Variants in FLVCR2 observed in about 807,000 individuals in gnomAD.
The protein encoded by FLVCR2 is choline/ethanolamine transporter FLVCR2.
FLVCR2 carries 38 observed loss-of-function variants against 48.9 expected under a neutral mutation model. The ratio of observed to expected loss-of-function variants is 0.78; its 90% CI spans 0.60 to 1.02. The LOEUF is 1.02. Among genes scored for constraint, FLVCR2 ranks in the 50% least tolerant of loss-of-function variants. The pLI is 0.00. For missense variants in FLVCR2, 664 were observed against 663.3 expected, an observed-to-expected ratio of 1.00 and a Z score of -0.01; for synonymous variants, 255 against 257.0, an observed-to-expected ratio of 0.99 and a Z score of 0.07.
chr14:75,597,127 C>T (rs986641524), intron 1 of FLVCR2, among the ~76,000 whole-genome samples: 2 of 151,308 alleles, frequency 1.3e-5, no homozygotes, highest in East Asian at 1.9e-4. Context: ...ACAAAAAGTA[C>T]GAAATTAGCT....
intron 1 of FLVCR2, among the ~76,000 whole-genome samples, chr14:75,599,398 C>T (rs1476143551): frequency 6.6e-6 from 1 of 150,608 alleles, no homozygotes; most frequent in African/African-American, 2.4e-5. Flanking sequence ...AGGAATAAAC[C>T]AAGGATGTAA....
intron 1 of FLVCR2, among the ~76,000 whole-genome samples, chr14:75,592,321 A>C (rs1295321457): frequency 3.9e-5 from 6 of 151,958 alleles, no homozygotes; most frequent in Admixed American, 1.3e-4. Context: ...CTCTGGCCAG[A>C]GCAGCTAGGA....
rs535306371 is a variant in FLVCR2, at chr14:75,614,770, C to T, written c.670-7309C>T. On this transcript the variant is annotated intron_variant, in intron 1 of 9. Transcript: ENST00000238667. ...TCACTGCTCCAAATGGCTAGGGAGG[C>T]CTCAGGAAACTTACAATCATGGTGG... 7.9e-5 allele frequency among the ~76,000 whole-genome samples: 12 copies of T among 152,202 alleles called. No individual in the cohort carries two copies. In the East Asian group the frequency reaches 2.3e-3, roughly 29 times the overall value.
chr14:75,627,308 A>G (rs995452265), intron 3 of FLVCR2, among the ~76,000 whole-genome samples: 2 of 152,216 alleles, frequency 1.3e-5, no homozygotes, highest in African/African-American at 2.4e-5. Flanking sequence ...CCGCTCCTCT[A>G]TAGAAACAAG....
intron 3 of FLVCR2, among the ~76,000 whole-genome samples, chr14:75,629,177 A>C (rs1889976947): frequency 6.6e-6 from 1 of 152,240 alleles, no homozygotes; most frequent in South Asian, 2.1e-4. Flanking sequence ...TAGGGTTGAG[A>C]GATAAAATAA....
chr14:75,580,689 C>T (rs887191949), intron 1 of FLVCR2, among the ~76,000 whole-genome samples: 1 of 152,104 alleles, frequency 6.6e-6, no homozygotes, highest in African/African-American at 2.4e-5. Context: ...CAGGGTGGAT[C>T]TCAAAGTACA....
At chr14:75,633,509 C>G in intron 3 of FLVCR2, 120 bp from the exon 4 acceptor site, 2 of 813,792 alleles carry the variant, frequency 2.5e-6, no homozygotes, top group Admixed American at 3.5e-5. Flanking sequence ...TCTGAGGATA[C>G]TGCTCAGAGT....
At chr14:75,636,322 G>C (rs76997170) in intron 5 of FLVCR2, among the ~76,000 whole-genome samples, 6,924 of 152,278 alleles carry the variant, frequency 0.045, 189 homozygotes, top group African/African-American at 0.06. Context: ...AGGTGGCGAC[G>C]AGGAGCCTGG....
At position 75,616,065 on chromosome 14, in the gene FLVCR2, A is replaced by T. The variant is rs986767489; in HGVS notation, c.670-6014A>T. Among the ~76,000 whole-genome samples the T allele has an allele frequency of 3.3e-3, 481 of 147,072 alleles. 2 individuals carry two copies. The highest frequency in any genetic ancestry group is 0.011 in the African/African-American group (457 of 40,024). On this transcript the variant is annotated intron_variant, in intron 1 of 9. Transcript: ENST00000238667. Reference sequence around the variant, plus strand: ...AAAAAAAAATAGCGTAAGTCCAGTTATGGTGGCTCATACCTGTAATCTCAA... The same window carrying T: ...AAAAAAAAATAGCGTAAGTCCAGTTTTGGTGGCTCATACCTGTAATCTCAA...
intron 1 of FLVCR2, among the ~76,000 whole-genome samples, chr14:75,583,607 A>C (rs1241350073): frequency 6.6e-6 from 1 of 152,146 alleles, no homozygotes; most frequent in Middle Eastern, 3.2e-3. Flanking sequence ...GTAGCCTAGG[A>C]ATAGTCAGGG....
chr14:75,600,705 C>T (rs754032203), intron 1 of FLVCR2, among the ~76,000 whole-genome samples: 2 of 151,830 alleles, frequency 1.3e-5, no homozygotes, highest in African/African-American at 2.4e-5. Flanking sequence ...AGCAGAGGTA[C>T]TAAAAGAAAA....
At chr14:75,600,956 G>T (rs1286156417) in intron 1 of FLVCR2, among the ~76,000 whole-genome samples, 3 of 151,910 alleles carry the variant, frequency 2.0e-5, no homozygotes, top group Admixed American at 2.0e-4. Flanking sequence ...GACCAGCTCA[G>T]TTGGGGAGAC....
At chr14:75,585,773 G>A (rs576975661) in intron 1 of FLVCR2, among the ~76,000 whole-genome samples, 4 of 152,280 alleles carry the variant, frequency 2.6e-5, no homozygotes, top group South Asian at 4.2e-4. Flanking sequence ...GACCGGTGCC[G>A]GAGTTTTGGG....
chr14:75,639,511 C>G, intron 6 of FLVCR2, 49 bp downstream of exon 6: 1 of 1,273,664 alleles, frequency 7.9e-7, no homozygotes, highest in East Asian at 2.3e-5. Context: ...TGCCATGGCT[C>G]CCAGAGCTTC....
chr14:75,602,076 A>G (rs1889179385), intron 1 of FLVCR2, among the ~76,000 whole-genome samples: 1 of 152,222 alleles, frequency 6.6e-6, no homozygotes, highest in African/African-American at 2.4e-5. Context: ...CAAATGGAAG[A>G]GATGCATAGG....
intron 5 of FLVCR2, among the ~76,000 whole-genome samples, chr14:75,636,631 C>A (rs557028473): frequency 2.6e-5 from 4 of 152,146 alleles, no homozygotes. Context: ...CCTAGCATCA[C>A]GTGATGTCTA....
At chr14:75,622,298 G>A in intron 2 of FLVCR2, 78 bp downstream of exon 2, 3 of 1,341,894 alleles carry the variant, frequency 2.2e-6, no homozygotes, top group Non-Finnish European at 3.2e-6. Context: ...TGGGACCCTT[G>A]TGAACATGCC....
chr14:75,583,195 G>A (rs1888655444), intron 1 of FLVCR2, among the ~76,000 whole-genome samples: 1 of 152,122 alleles, frequency 6.6e-6, no homozygotes, highest in Non-Finnish European at 1.5e-5. Context: ...GTGGAGGGAG[G>A]CATTGAGGAT....
At position 75,641,249 on chromosome 14, in the gene FLVCR2, A is replaced by G; in HGVS notation, c.1409A>G (p.Asn470Ser). The change falls in exon 8 of 10, where the codon AAC (asparagine) becomes AGC (serine). Residue 470 changes from asparagine (N) to serine (S), a missense_variant. By Grantham distance (46) the Asn-to-Ser change is conservative. Coordinates refer to ENST00000238667, the MANE Select transcript of FLVCR2 (RefSeq NM_017791.3). ...IIDNYGTKPG[N>S]IFLCVFLTLG... is the part of the protein sequence containing the mutation. ...GACAACTATGGAACCAAGCCTGGGAACATCTTCCTGTGTGTGTTCCTTACT... is the reference window on the plus strand; with the variant it reads ...GACAACTATGGAACCAAGCCTGGGAGCATCTTCCTGTGTGTGTTCCTTACT... 2.5e-6 allele frequency: 4 copies of G among 1,614,022 alleles called. No homozygotes were observed. The highest frequency in any genetic ancestry group is 3.4e-6 in the Non-Finnish European group (4 of 1,179,984).
Sources: gnomAD v4.1 joint callset for allele counts (sites outside exome capture counted in the v4.1 genomes callset) on GRCh38, gnomAD v4.1.1 for gene constraint, MANE v1.5 for transcripts, NCBI Gene and HGNC (gene_info 2026-07-23, HGNC 2026-07-21) for gene names.